Variants in RBFOX1 observed in about 807,000 individuals in gnomAD.
RBFOX1 encodes the protein RNA binding protein fox-1 homolog 1.
Under a neutral mutation model 57.7 loss-of-function variants are expected in RBFOX1, and 8 were observed. The ratio of observed to expected loss-of-function variants is 0.14; its 90% CI spans 0.08 to 0.25. The LOEUF (loss-of-function observed/expected upper bound fraction) is 0.25. RBFOX1 is among the 10% of genes least tolerant of loss of function. The probability of loss-of-function intolerance (pLI) is 1.00; values close to 1 mark genes in which losing one functional copy is unlikely to be tolerated. For synonymous variants in RBFOX1, 326 were observed against 222.4 expected (o/e 1.47, Z -4.15); for missense variants, 611 against 548.5 (o/e 1.11, Z -1.14).
chr16:6,673,925 G>A (rs2098784120), intron 3 of RBFOX1, among the ~76,000 whole-genome samples: 1 of 152,162 alleles, frequency 6.6e-6, no homozygotes, highest in East Asian at 1.9e-4. Flanking sequence ...CTGAAAGACT[G>A]GCCAGGTGGA....
Position 6,902,355 on chromosome 16 carries a change from A to T in RBFOX1, c.-15-149702A>T, listed in dbSNP as rs145818779. Among the ~76,000 whole-genome samples, 993 of 152,310 alleles carry T rather than the reference A, an allele frequency of 6.5e-3. 11 individuals are homozygous for T. The highest frequency in any genetic ancestry group is 0.023 in the African/African-American group (950 of 41,568). On this transcript the variant is annotated intron_variant, in intron 3 of 15. Coordinates refer to ENST00000550418, the MANE Select transcript of RBFOX1 (RefSeq NM_018723.4). ...TGGCAAAACTCTGTTAGTAATTTCA[A>T]GTTGGTGAAACAAGTGAATATCTGG...
intron 4 of RBFOX1, among the ~76,000 whole-genome samples, chr16:5,993,085 G>C (rs930363033): frequency 3.9e-5 from 6 of 152,142 alleles, no homozygotes; most frequent in Non-Finnish European, 7.3e-5. Context: ...AAATCCACAA[G>C]TACCATCCTG....
At chr16:5,464,843 G>T (rs2068903650) in intron 1 of RBFOX1, among the ~76,000 whole-genome samples, 1 of 152,188 alleles carries the variant, frequency 6.6e-6, no homozygotes, top group South Asian at 2.1e-4. Context: ...TGGAGGAGGG[G>T]CTGGGGAGGC....
chr16:5,581,618 A>G (rs753929923), intron 2 of RBFOX1, among the ~76,000 whole-genome samples: 1 of 152,188 alleles, frequency 6.6e-6, no homozygotes, highest in Non-Finnish European at 1.5e-5. Flanking sequence ...GGCTTCCTGG[A>G]GGAGGTGATG....
At chr16:7,039,525 T>A (rs1218060288) in intron 3 of RBFOX1, among the ~76,000 whole-genome samples, 1 of 152,206 alleles carries the variant, frequency 6.6e-6, no homozygotes, top group Non-Finnish European at 1.5e-5. Context: ...TTTTTACTTT[T>A]TTAATTGATT....
At chr16:6,996,759 T>A (rs2092287828) in intron 3 of RBFOX1, among the ~76,000 whole-genome samples, 1 of 152,170 alleles carries the variant, frequency 6.6e-6, no homozygotes, top group South Asian at 2.1e-4. Context: ...CTTTTCTACA[T>A]GTCAGATAGA....
chr16:6,747,468 C>A (rs1046722971), intron 3 of RBFOX1, among the ~76,000 whole-genome samples: 1 of 151,660 alleles, frequency 6.6e-6, no homozygotes. Flanking sequence ...GTCTGTCTGT[C>A]TGTCTGTTTA....
At chr16:7,420,936 T>TACACAC (rs1180490727) in intron 4 of RBFOX1, among the ~76,000 whole-genome samples, 3 of 144,302 alleles carry the variant, frequency 2.1e-5, no homozygotes, top group Non-Finnish European at 3.0e-5. Context: ...CACATATATA[T>TACACAC]ATACACACAC....
chr16:6,663,330 C>T (rs539474636), intron 3 of RBFOX1, among the ~76,000 whole-genome samples: 5 of 152,272 alleles, frequency 3.3e-5, no homozygotes, highest in African/African-American at 1.2e-4. Flanking sequence ...AGGAGTTGAT[C>T]AACACTGACA....
chr16:7,083,796 C>T (rs773474259), intron 4 of RBFOX1, among the ~76,000 whole-genome samples: 5 of 152,162 alleles, frequency 3.3e-5, no homozygotes, highest in African/African-American at 4.8e-5. Context: ...TTAGTGGTTG[C>T]CATGGTGACA....
At chr16:7,569,267 AGCATGGGAATCAC>A (rs2092505491) in intron 5 of RBFOX1, among the ~76,000 whole-genome samples, 1 of 152,226 alleles carries the variant, frequency 6.6e-6, no homozygotes, top group Non-Finnish European at 1.5e-5. Flanking sequence ...TCAGAAGTGT[AGCATGGGAATCAC>A]CAGGTTTACA....
chr16:5,501,708 C>G (rs995267600), intron 2 of RBFOX1, among the ~76,000 whole-genome samples: 1 of 152,068 alleles, frequency 6.6e-6, no homozygotes, highest in African/African-American at 2.4e-5. Context: ...GAATGTTAAT[C>G]TGATGATTAC....
intron 4 of RBFOX1, among the ~76,000 whole-genome samples, chr16:7,495,124 C>A (rs999322187): frequency 6.6e-6 from 1 of 152,128 alleles, no homozygotes; most frequent in Non-Finnish European, 1.5e-5. Flanking sequence ...CCAGCTGCAT[C>A]CATGTTGCTG....
At chr16:7,699,226 C>T (rs143556700) in intron 14 of RBFOX1, among the ~76,000 whole-genome samples, 1 of 152,132 alleles carries the variant, frequency 6.6e-6, no homozygotes, top group Non-Finnish European at 1.5e-5. Context: ...CTCTGTCATC[C>T]AGGCTGGAGA....
At chr16:6,713,076 A>C (rs1359446490) in intron 3 of RBFOX1, among the ~76,000 whole-genome samples, 1 of 151,878 alleles carries the variant, frequency 6.6e-6, no homozygotes, top group African/African-American at 2.4e-5. Flanking sequence ...TGAAACCATG[A>C]GTCTATTAAA....
intron 4 of RBFOX1, among the ~76,000 whole-genome samples, chr16:7,475,758 G>A (rs1049831401): frequency 3.3e-5 from 5 of 152,184 alleles, no homozygotes; most frequent in Admixed American, 1.3e-4. Context: ...CCCCATATGA[G>A]AATTTGATTG....
chr16:7,679,375 C>T (rs2074174159), intron 14 of RBFOX1, among the ~76,000 whole-genome samples: 1 of 152,162 alleles, frequency 6.6e-6, no homozygotes, highest in Admixed American at 6.5e-5. Flanking sequence ...GTGATGGAAG[C>T]TTAGTTCCTC....
intron 3 of RBFOX1, among the ~76,000 whole-genome samples, chr16:5,716,762 T>C (rs1288286678): frequency 1.3e-5 from 2 of 152,198 alleles, no homozygotes; most frequent in Non-Finnish European, 2.9e-5. Flanking sequence ...TTCCTTTGGG[T>C]ACATACCCAG....
At chr16:7,238,162 T>C (rs757126849) in intron 4 of RBFOX1, among the ~76,000 whole-genome samples, 5 of 152,174 alleles carry the variant, frequency 3.3e-5, no homozygotes, top group Non-Finnish European at 4.4e-5. Context: ...AAAAGTGGCA[T>C]GGTCGTTACC....
Sources: gnomAD v4.1 joint callset for allele counts (sites outside exome capture counted in the v4.1 genomes callset) on GRCh38, gnomAD v4.1.1 for gene constraint, MANE v1.5 for transcripts, NCBI Gene and HGNC (gene_info 2026-07-23, HGNC 2026-07-21) for gene names.